The following CDH13 variants were observed in gnomAD, a reference collection of about 807,000 sequenced individuals.
CDH13 encodes the protein cadherin-13.
Under a neutral mutation model 63.8 loss-of-function variants are expected in CDH13, and 24 were observed. The observed-to-expected ratio is 0.38, with a 90% confidence interval of 0.27 to 0.53. CDH13 has a LOEUF of 0.53. Ranked by LOEUF, CDH13 falls within the 20% of genes least tolerant of loss-of-function variation. The pLI, the probability that CDH13 is intolerant of heterozygous loss-of-function variation, is 0.85. For missense variants in CDH13, 1,049 were observed against 903.1 expected (o/e 1.16, Z -2.07); for synonymous variants, 503 against 355.3 (o/e 1.42, Z -4.67).
At chr16:82,695,990 C>G (rs1269202177) in intron 1 of CDH13, among the ~76,000 whole-genome samples, 1 of 152,176 alleles carries the variant, frequency 6.6e-6, no homozygotes, top group Non-Finnish European at 1.5e-5. Flanking sequence ...TTCCACAACA[C>G]TAAGCCTTTC....
At chr16:82,731,323 G>A (rs904407585) in intron 1 of CDH13, among the ~76,000 whole-genome samples, 2 of 152,150 alleles carry the variant, frequency 1.3e-5, no homozygotes, top group African/African-American at 4.8e-5. Flanking sequence ...GTATGGCTGT[G>A]TTTCAATAAA....
intron 1 of CDH13, among the ~76,000 whole-genome samples, chr16:82,747,230 T>C (rs1223471266): frequency 3.0e-4 from 45 of 152,194 alleles, no homozygotes; most frequent in Admixed American, 2.9e-3. Context: ...AGAATCAGCA[T>C]ACCTGGGACC....
chr16:82,963,976 C>T (rs1169869690), intron 2 of CDH13, among the ~76,000 whole-genome samples: 5 of 152,158 alleles, frequency 3.3e-5, no homozygotes, highest in East Asian at 3.9e-4. Flanking sequence ...TCCCACACAC[C>T]GCTGTTCACA....
intron 6 of CDH13, among the ~76,000 whole-genome samples, chr16:83,473,788 C>T (rs2073527726): frequency 6.6e-6 from 1 of 152,116 alleles, no homozygotes; most frequent in African/African-American, 2.4e-5. Flanking sequence ...CCTGGGTTTG[C>T]CTCTCGTCTC....
In CDH13 at chr16:83,674,697, G is replaced by T. The variant is rs74998017; in HGVS notation, c.1285-3511G>T. Among the ~76,000 whole-genome samples, 530 of 152,324 alleles carry T rather than the reference G, an allele frequency of 3.5e-3. 7 individuals carry two copies. The highest frequency in any genetic ancestry group is 0.012 in the African/African-American group (493 of 41,578). ...CAGGATGCTGCTGGTTTCCAGCAAGGTCCTGCCACTTAAAAGGACCAAATC... is the reference window on the plus strand; with the variant it reads ...CAGGATGCTGCTGGTTTCCAGCAAGTTCCTGCCACTTAAAAGGACCAAATC... On this transcript the variant is annotated intron_variant, in intron 9 of 13. Coordinates refer to ENST00000567109, the MANE Select transcript of CDH13 (RefSeq NM_001257.5).
chr16:83,147,156 A>T (rs1254910204), intron 4 of CDH13, among the ~76,000 whole-genome samples: 2 of 152,156 alleles, frequency 1.3e-5, no homozygotes, highest in Non-Finnish European at 2.9e-5. Flanking sequence ...GATTTTTGAG[A>T]TGTGTGAAGA....
intron 3 of CDH13, among the ~76,000 whole-genome samples, chr16:83,046,160 C>T (rs1881972695): frequency 6.6e-6 from 1 of 152,100 alleles, no homozygotes; most frequent in Admixed American, 6.5e-5. Flanking sequence ...AAATAGAAAC[C>T]TCTTTTCCTC....
intron 7 of CDH13, among the ~76,000 whole-genome samples, chr16:83,598,954 C>T (rs1260380474): frequency 6.6e-6 from 1 of 152,206 alleles, no homozygotes. Flanking sequence ...GGTGGACTCA[C>T]TTAGGTTATG....
chr16:82,643,738 G>C (rs965496885), intron 1 of CDH13, among the ~76,000 whole-genome samples: 1 of 152,094 alleles, frequency 6.6e-6, no homozygotes, highest in Non-Finnish European at 1.5e-5. Flanking sequence ...AAAGGAGATG[G>C]TTTAGTGTTA....
At chr16:83,466,893 C>A (rs1404588182) in intron 6 of CDH13, among the ~76,000 whole-genome samples, 1 of 152,152 alleles carries the variant, frequency 6.6e-6, no homozygotes, top group African/African-American at 2.4e-5. Context: ...TCTTCCATGC[C>A]AAGCCAAGCC....
intron 3 of CDH13, among the ~76,000 whole-genome samples, chr16:83,036,153 T>C (rs1597193391): frequency 6.7e-6 from 1 of 148,462 alleles, no homozygotes; most frequent in East Asian, 2.0e-4. Flanking sequence ...CTTTTTTTTT[T>C]TTTTTTTTTT....
At chr16:83,594,530 G>T (rs1907073950) in intron 7 of CDH13, among the ~76,000 whole-genome samples, 1 of 152,194 alleles carries the variant, frequency 6.6e-6, no homozygotes, top group Non-Finnish European at 1.5e-5. Flanking sequence ...CAGCAAAGGA[G>T]CAGGAATTCA....
chr16:83,490,009 CCACACA>C lies in CDH13; in HGVS notation c.960+3389_960+3394del, dbSNP rs10666213. ...CCTTCAAGAGCAGGAGCTGCAGAAA[CCACACA>C]CACACACACACACACACACACACAC... On this transcript the variant is annotated intron_variant, in intron 7 of 13. Coordinates refer to ENST00000567109, the MANE Select transcript of CDH13 (RefSeq NM_001257.5). Among the ~76,000 whole-genome samples the C allele has an allele frequency of 6.3e-3, 863 of 137,360 alleles. 10 individuals are homozygous for C. Among genetic ancestry groups the C allele is most frequent in the African/African-American group, 0.021 (756 of 36,132 alleles). 90.1% of individuals were successfully genotyped at this position (137,360 alleles called of 152,430 possible).
At chr16:82,786,969 G>T (rs1392269642) in intron 1 of CDH13, among the ~76,000 whole-genome samples, 1 of 152,102 alleles carries the variant, frequency 6.6e-6, no homozygotes, top group Non-Finnish European at 1.5e-5. Flanking sequence ...GGCTTCAAAC[G>T]CTTCTAAATT....
intron 7 of CDH13, among the ~76,000 whole-genome samples, chr16:83,587,490 G>C (rs1016760503): frequency 7.9e-5 from 12 of 152,182 alleles, no homozygotes; most frequent in African/African-American, 2.9e-4. Context: ...ATGTAACTGT[G>C]TGGAGCCGAT....
chr16:83,158,988 C>G (rs1426409951), intron 4 of CDH13, among the ~76,000 whole-genome samples: 4 of 152,294 alleles, frequency 2.6e-5, no homozygotes, highest in African/African-American at 9.6e-5. Context: ...GAATTTCATC[C>G]TTTGCCTCTC....
Position 83,344,852 on chromosome 16 carries a change from G to A in CDH13, c.637-10G>A, listed in dbSNP as rs1259198288. On this transcript the variant is annotated splice_polypyrimidine_tract_variant and intron_variant, in intron 5 of 13. Coordinates refer to ENST00000567109, the MANE Select transcript of CDH13 (RefSeq NM_001257.5). The stretch of plus-strand genomic sequence containing the variant: ...ATCTTCTTTCTCCCCCAATCTCTTT[G>A]CTCAAATAGCTATTTGTGGAGACCA... The A allele has an allele frequency of 6.2e-7, 1 of 1,612,684 alleles. No homozygotes were observed.
At chr16:83,360,083 T>C (rs2091133739) in intron 6 of CDH13, among the ~76,000 whole-genome samples, 1 of 152,244 alleles carries the variant, frequency 6.6e-6, no homozygotes, top group Admixed American at 6.5e-5. Flanking sequence ...TCAGGTTTCA[T>C]CCATGTTCTG....
At chr16:83,356,290 C>T (rs2091055331) in intron 6 of CDH13, among the ~76,000 whole-genome samples, 1 of 149,540 alleles carries the variant, frequency 6.7e-6, no homozygotes, top group African/African-American at 2.4e-5. Flanking sequence ...AAGAGAAAAC[C>T]ACCAACCTTC....
Sources: gnomAD v4.1 joint callset for allele counts (sites outside exome capture counted in the v4.1 genomes callset) on GRCh38, gnomAD v4.1.1 for gene constraint, MANE v1.5 for transcripts, NCBI Gene and HGNC (gene_info 2026-07-23, HGNC 2026-07-21) for gene names.